Variants in GPR158 observed in about 807,000 individuals in gnomAD.
GPR158 encodes the protein G protein-coupled receptor 158.
A neutral mutation model predicts 78.2 loss-of-function variants in GPR158; 30 were observed. The observed-to-expected ratio is 0.38, with a 90% confidence interval of 0.29 to 0.52. GPR158 has a LOEUF of 0.52. Among genes scored for constraint, GPR158 ranks in the 20% least tolerant of loss-of-function variants. The probability of loss-of-function intolerance (pLI) is 0.83; values close to 1 mark genes in which losing one functional copy is unlikely to be tolerated. For synonymous variants in GPR158, 581 were observed against 591.1 expected (o/e 0.98, Z 0.25); for missense variants, 1,463 against 1,523.5 (o/e 0.96, Z 0.66).
chr10:25,435,421 A>C (rs891740375), intron 4 of GPR158, among the ~76,000 whole-genome samples: 1 of 152,064 alleles, frequency 6.6e-6, no homozygotes, highest in Non-Finnish European at 1.5e-5. Context: ...GATAACCAGG[A>C]GGTGGGGATG....
intron 2 of GPR158, among the ~76,000 whole-genome samples, chr10:25,373,130 G>T (rs1834024090): frequency 6.6e-6 from 1 of 151,924 alleles, no homozygotes; most frequent in South Asian, 2.1e-4. Flanking sequence ...TAAAATAGGA[G>T]ATCCTGTCCT....
intron 5 of GPR158, among the ~76,000 whole-genome samples, chr10:25,498,776 G>C (rs4747522): frequency 0.31 from 47,837 of 152,030 alleles, 8,456 homozygotes; most frequent in East Asian, 0.48. Context: ...TGTGGGAGGT[G>C]AATAGGGTTG....
intron 2 of GPR158, among the ~76,000 whole-genome samples, chr10:25,364,250 G>A (rs1855685695): frequency 6.6e-6 from 1 of 151,830 alleles, no homozygotes; most frequent in Non-Finnish European, 1.5e-5. Flanking sequence ...AAATTCACCA[G>A]CATCGTCTTC....
intron 5 of GPR158, among the ~76,000 whole-genome samples, chr10:25,538,926 G>C (rs932901996): frequency 2.0e-5 from 3 of 152,138 alleles, no homozygotes; most frequent in African/African-American, 7.2e-5. Flanking sequence ...ATAGTCATAT[G>C]TTTCTTTGTT....
chr10:25,328,583 G>T (rs965784262), intron 2 of GPR158, among the ~76,000 whole-genome samples: 1 of 152,018 alleles, frequency 6.6e-6, no homozygotes, highest in African/African-American at 2.4e-5. Context: ...AAGTCAATGT[G>T]TCCAGTAAAC....
intron 5 of GPR158, among the ~76,000 whole-genome samples, chr10:25,507,580 T>C (rs1836029914): frequency 6.6e-6 from 1 of 152,256 alleles, no homozygotes; most frequent in Non-Finnish European, 1.5e-5. Flanking sequence ...GAAATATGTT[T>C]ATAGCATTCT....
At chr10:25,443,567 A>AG (rs1835097729) in intron 4 of GPR158, among the ~76,000 whole-genome samples, 3 of 150,926 alleles carry the variant, frequency 2.0e-5, no homozygotes, top group African/African-American at 7.3e-5. Flanking sequence ...AAAAAAAAAA[A>AG]AAAAAATTTT....
intron 2 of GPR158, among the ~76,000 whole-genome samples, chr10:25,306,073 T>A (rs2130455197): frequency 6.6e-6 from 1 of 152,286 alleles, no homozygotes; most frequent in Admixed American, 6.5e-5. Context: ...TGACATTTAG[T>A]GTACAGTTGT....
chr10:25,505,050 G>A (rs1835993032), intron 5 of GPR158, among the ~76,000 whole-genome samples: 1 of 152,200 alleles, frequency 6.6e-6, no homozygotes, highest in Admixed American at 6.5e-5. Context: ...CAGTAATAGT[G>A]CCTGCCTCAT....
chr10:25,557,691 T>A (rs1836803587), intron 6 of GPR158, among the ~76,000 whole-genome samples: 2 of 152,224 alleles, frequency 1.3e-5, no homozygotes, highest in African/African-American at 4.8e-5. Context: ...TATAGATTAG[T>A]ATGTTTAGTC....
At chr10:25,482,143 G>A (rs1835670169) in intron 5 of GPR158, among the ~76,000 whole-genome samples, 1 of 152,062 alleles carries the variant, frequency 6.6e-6, no homozygotes, top group South Asian at 2.1e-4. Flanking sequence ...GTTTCTACCA[G>A]AAAATTCCCT....
At chr10:25,540,668 C>A (rs1340035615) in intron 5 of GPR158, among the ~76,000 whole-genome samples, 1 of 151,816 alleles carries the variant, frequency 6.6e-6, no homozygotes, top group Non-Finnish European at 1.5e-5. Flanking sequence ...TGGAAACCAT[C>A]ATTCTCAGCA....
chr10:25,388,927 CAG>C (rs938149498), intron 2 of GPR158, among the ~76,000 whole-genome samples: 4 of 152,218 alleles, frequency 2.6e-5, no homozygotes, highest in Non-Finnish European at 5.9e-5. Context: ...TGCAACCTGA[CAG>C]GGTGTGTGCT....
chr10:25,284,763 T>C (rs913020983), intron 2 of GPR158, among the ~76,000 whole-genome samples: 1 of 152,072 alleles, frequency 6.6e-6, no homozygotes, highest in Non-Finnish European at 1.5e-5. Flanking sequence ...TGTCTTTTTA[T>C]TTATACTCCA....
chr10:25,341,685 T>C (rs1855304542), intron 2 of GPR158, among the ~76,000 whole-genome samples: 1 of 151,908 alleles, frequency 6.6e-6, no homozygotes, highest in Non-Finnish European at 1.5e-5. Context: ...ATCATTCGTC[T>C]CTCCTTCACT....
intron 5 of GPR158, among the ~76,000 whole-genome samples, chr10:25,474,733 C>T (rs1835558239): frequency 6.6e-6 from 1 of 152,094 alleles, no homozygotes; most frequent in Non-Finnish European, 1.5e-5. Flanking sequence ...GTAGTAGAAG[C>T]ACAGTAAATA....
intron 2 of GPR158, among the ~76,000 whole-genome samples, chr10:25,373,899 A>G (rs537475176): frequency 2.0e-5 from 3 of 151,788 alleles, no homozygotes; most frequent in South Asian, 2.1e-4. Flanking sequence ...AATGACATTT[A>G]TGCAGTGCTT....
In GPR158 at chr10:25,599,444, C is replaced by T. The variant is rs1837462865; in HGVS notation, c.*170C>T. 1.2e-5 allele frequency: 7 copies of T among 590,778 alleles called. No homozygotes were observed. Among genetic ancestry groups the T allele is most frequent in the African/African-American group, 3.7e-5 (2 of 53,736 alleles). 36.6% of individuals were successfully genotyped at this position (590,778 alleles called of 1,614,324 possible). On this transcript the variant is annotated 3_prime_UTR_variant, in exon 11 of 11. Coordinates refer to ENST00000376351, the MANE Select transcript of GPR158 (RefSeq NM_020752.3). ...AGGACCAGGGGGGCAAGAGCAACAA[C>T]GTCATAATGGAGAAGTCAGACTTTG...
At chr10:25,359,545 G>A (rs1855600686) in intron 2 of GPR158, among the ~76,000 whole-genome samples, 1 of 152,128 alleles carries the variant, frequency 6.6e-6, no homozygotes, top group Non-Finnish European at 1.5e-5. Flanking sequence ...TGCTGAGAAT[G>A]ATGGTTTCCA....
Sources: allele counts gnomAD v4.1 joint callset (sites outside exome capture counted in the v4.1 genomes callset), GRCh38; gene constraint gnomAD v4.1.1; transcripts MANE v1.5; gene names NCBI Gene and HGNC (gene_info 2026-07-23, HGNC 2026-07-21).